TPCN2: variants seen among roughly 807,000 people sequenced by gnomAD.
TPCN2 encodes the protein two pore channel protein 2.
TPCN2 carries 92 observed loss-of-function variants against 111.4 expected under a neutral mutation model. The ratio of observed to expected loss-of-function variants is 0.83; its 90% CI spans 0.70 to 0.98. TPCN2 has a LOEUF of 0.98. Ranked by LOEUF, TPCN2 falls within the 50% of genes least tolerant of loss-of-function variation. The probability of loss-of-function intolerance (pLI) is 0.00; values close to 1 mark genes in which losing one functional copy is unlikely to be tolerated. For missense variants in TPCN2, 995 were observed against 980.1 expected, an observed-to-expected ratio of 1.02 and a Z score of -0.20; for synonymous variants, 405 against 414.5, an observed-to-expected ratio of 0.98 and a Z score of 0.28.
chr11:69,056,338 G>A (rs1554975339), intron 4 of TPCN2, among the ~76,000 whole-genome samples: 1 of 152,202 alleles, frequency 6.6e-6, no homozygotes, highest in Non-Finnish European at 1.5e-5. Context: ...TGTGATTGCA[G>A]GCCCCGGGCA....
intron 4 of TPCN2, among the ~76,000 whole-genome samples, 157 bp downstream of exon 4, chr11:69,055,509 G>A (rs1854716152): frequency 6.6e-6 from 1 of 152,258 alleles, no homozygotes; most frequent in African/African-American, 2.4e-5. Flanking sequence ...GGACAAGCAA[G>A]TGCCTGAGGC....
Position 69,083,441 on chromosome 11 carries a change from G to A in TPCN2, c.1690-504G>A, listed in dbSNP as rs568720143. 3.9e-5 allele frequency among the ~76,000 whole-genome samples: 6 copies of A among 152,336 alleles called. 1 individual carries two copies. In the South Asian group the frequency reaches 1.2e-3, roughly 32 times the overall value. ...TGTGATGAGGAGGAGCGGCTCTTTG[G>A]AGCCGGGGCCTCCCTGCTGGTTCTC... On this transcript the variant is annotated intron_variant, in intron 18 of 24. Coordinates refer to ENST00000294309, the MANE Select transcript of TPCN2 (RefSeq NM_139075.4).
intron 6 of TPCN2, 61 bp downstream of exon 6, chr11:69,063,051 C>T (rs1035369720): frequency 1.8e-5 from 27 of 1,491,436 alleles, no homozygotes; most frequent in Non-Finnish European, 2.3e-5. Flanking sequence ...CCCCGGGCCA[C>T]GTGGTTGCGG....
chr11:69,087,250 G>A, intron 24 of TPCN2, 44 bp downstream of exon 24: 1 of 1,582,760 alleles, frequency 6.3e-7, no homozygotes, highest in Non-Finnish European at 8.7e-7. Context: ...CCCTGGGATG[G>A]GAAGCCAAGA....
At chr11:69,073,042 C>T in intron 13 of TPCN2, 41 bp downstream of exon 13, 3 of 1,459,812 alleles carry the variant, frequency 2.1e-6, no homozygotes, top group Non-Finnish European at 2.9e-6. Flanking sequence ...TAGTGGGGGC[C>T]TTCCAGTTTC....
At position 69,088,262 on chromosome 11, in the gene TPCN2, T is replaced by G. The variant is rs2305499; in HGVS notation, c.*309T>G. 3.2e-5 allele frequency: 11 copies of G among 343,328 alleles called. No individual in the cohort carries two copies. In the East Asian group the frequency reaches 6.4e-4, roughly 20 times the overall value. The allele number at this position is 343,328 out of a possible 1,614,324, so 21.3% of individuals were successfully genotyped here. A position where few individuals can be genotyped will look rare whatever the true frequency, so the allele number is the denominator to read the frequency against. On this transcript the variant is annotated 3_prime_UTR_variant, in exon 25 of 25. Coordinates refer to ENST00000294309, the MANE Select transcript of TPCN2 (RefSeq NM_139075.4). ...AAATGCAAGAAGCAGCGGCCTCCCC[T>G]GTCCCCTGCAGCTTCCGTGGTGCCT... is the stretch of plus-strand genomic sequence containing the variant.
At chr11:69,053,528 A>G (rs1861327723) in intron 1 of TPCN2, among the ~76,000 whole-genome samples, 1 of 152,094 alleles carries the variant, frequency 6.6e-6, no homozygotes, top group Non-Finnish European at 1.5e-5. Context: ...TGCAGGAGCC[A>G]GGTAGGGCCG....
rs1051816212 is a variant in TPCN2, at chr11:69,069,813, A to C, written c.830-617A>C. On this transcript the variant is annotated intron_variant, in intron 8 of 24. Transcript: ENST00000294309. ...GAGCAGGACCGTCTGAGTCCTAGGAAGTGACTGCAGGGGGAGCAGGACTGA... is the reference window on the plus strand; with the variant it reads ...GAGCAGGACCGTCTGAGTCCTAGGACGTGACTGCAGGGGGAGCAGGACTGA... Among the ~76,000 whole-genome samples, 5 of 150,238 alleles carry C rather than the reference A, an allele frequency of 3.3e-5. 1 individual carries two copies. Among genetic ancestry groups the C allele is most frequent in the African/African-American group, 1.2e-4 (5 of 40,622 alleles).
chr11:69,071,307 TTGC>T lies in TPCN2; in HGVS notation c.896-43_896-41del, dbSNP rs576723218. The T allele has an allele frequency of 5.2e-5, 80 of 1,525,876 alleles. No homozygotes were observed. The East Asian group carries it at 1.2e-3, about 23-fold the overall frequency. 94.5% of individuals were successfully genotyped at this position (1,525,876 alleles called of 1,614,324 possible). On this transcript the variant is annotated intron_variant, in intron 9 of 24. Transcript: ENST00000294309. ...TGTGCCGGCCACCCTTGCGTTGGTT[TTGC>T]TGCTGTACTGGTGGCGCCCCTGACC...
intron 1 of TPCN2, among the ~76,000 whole-genome samples, chr11:69,052,358 C>CT (rs1304715129): frequency 6.6e-6 from 1 of 152,138 alleles, no homozygotes; most frequent in African/African-American, 2.4e-5. Context: ...GATATATCAG[C>CT]TTTGAGTCCT....
chr11:69,078,957 C>G lies in TPCN2; in HGVS notation c.1476C>G (p.Gly492=). 6.2e-7 allele frequency: 1 copy of G among 1,614,054 alleles called. No homozygotes were observed. Among genetic ancestry groups the G allele is most frequent in the Non-Finnish European group, 8.5e-7 (1 of 1,180,000 alleles). Residue 492 remains glycine, a synonymous_variant, in exon 16 of 25, where the codon GGC becomes GGG. Coordinates refer to ENST00000294309, the MANE Select transcript of TPCN2 (RefSeq NM_139075.4). ...LEMLLKVFAL[G]LRGYLSYPSN... ...TGCTGCTCAAGGTCTTTGCCCTGGG[C>G]CTGCGAGGGTACCTGTCCTACCCCA...
intron 1 of TPCN2, among the ~76,000 whole-genome samples, chr11:69,050,741 G>T (rs550078130): frequency 2.4e-4 from 36 of 152,388 alleles, no homozygotes; most frequent in African/African-American, 8.2e-4. Context: ...GGCGGGCATT[G>T]TGAGGATTCA....
Position 69,072,607 on chromosome 11 carries a change from C to T in TPCN2, c.1062-20C>T. 6.2e-7 allele frequency: 1 copy of T among 1,613,400 alleles called. No homozygotes were observed. Among genetic ancestry groups the T allele is most frequent in the Non-Finnish European group, 8.5e-7 (1 of 1,179,666 alleles). ...AGCCGAGCTGGCTGTGCTCACCGGG[C>T]TGTGGGTTTTTCCCTGCAGAGTTGG... is the stretch of plus-strand genomic sequence containing the variant. On this transcript the variant is annotated intron_variant, in intron 11 of 24. Coordinates refer to ENST00000294309, the MANE Select transcript of TPCN2 (RefSeq NM_139075.4).
Position 69,087,979 on chromosome 11 carries a change from G to T in TPCN2, c.*26G>T. ...CGTCCGGGCTGCCGTCCCAGCAGGG[G>T]CGGCAGGAGAGAGAGGCTGGCCTAC... On this transcript the variant is annotated 3_prime_UTR_variant, in exon 25 of 25. Coordinates refer to ENST00000294309, the MANE Select transcript of TPCN2 (RefSeq NM_139075.4). The T allele has an allele frequency of 3.8e-6, 6 of 1,588,518 alleles. No individual in the cohort carries two copies. Among genetic ancestry groups the T allele is most frequent in the Non-Finnish European group, 5.1e-6 (6 of 1,167,504 alleles).
At position 69,089,024 on chromosome 11, in the gene TPCN2, G is replaced by A. The variant is rs925849146; in HGVS notation, c.*1071G>A. ...CCCGAGCTCAGCGGGACCAGGAAGG[G>A]ATGGGCCCTGCCAGGGTTGCCCCTG... is the stretch of plus-strand genomic sequence containing the variant. On this transcript the variant is annotated 3_prime_UTR_variant, in exon 25 of 25. Transcript: ENST00000294309. 2.0e-5 allele frequency: 3 copies of A among 152,274 alleles called. No homozygotes were observed. Among genetic ancestry groups the A allele is most frequent in the African/African-American group, 7.2e-5 (3 of 41,470 alleles). 9.4% of individuals were successfully genotyped at this position (152,274 alleles called of 1,614,324 possible). A position where few individuals can be genotyped will look rare whatever the true frequency, so the allele number is the denominator to read the frequency against.
rs181402498 is a variant in TPCN2 at position 69,067,006 on chromosome 11, C to T, written c.727-497C>T. On this transcript the variant is annotated intron_variant, in intron 7 of 24. Transcript: ENST00000294309. Reference sequence around the variant, plus strand: ...CAATGGCTGTGATTCGCCACAGCCACGAGCACAGTGCCACTGAGTCCCGTG... The same window carrying T: ...CAATGGCTGTGATTCGCCACAGCCATGAGCACAGTGCCACTGAGTCCCGTG... 6.6e-5 allele frequency among the ~76,000 whole-genome samples: 10 copies of T among 152,332 alleles called. No individual in the cohort carries two copies. The South Asian group carries it at 1.2e-3, about 19-fold the overall frequency.
At chr11:69,054,609 C>T (rs1011124792) in intron 2 of TPCN2, 112 bp from the exon 3 acceptor site, 35 of 1,012,850 alleles carry the variant, frequency 3.5e-5, no homozygotes, top group Non-Finnish European at 4.1e-5. Context: ...TGAAGCGTCC[C>T]CTGTGATCCA....
At chr11:69,072,455 C>A (rs3750961) in intron 11 of TPCN2, among the ~76,000 whole-genome samples, 172 bp from the exon 12 acceptor site, 1 of 151,918 alleles carries the variant, frequency 6.6e-6, no homozygotes, top group African/African-American at 2.4e-5. Flanking sequence ...TGCGCCTTCT[C>A]GGGGGGACGG....
intron 2 of TPCN2, 24 bp from the exon 3 acceptor site, chr11:69,054,697 C>T (rs1190896007): frequency 3.1e-6 from 5 of 1,612,666 alleles, no homozygotes; most frequent in Non-Finnish European, 3.4e-6. Flanking sequence ...CCATGTCATG[C>T]CTCATGTGAC....
Sources: gnomAD v4.1 joint callset for allele counts (sites outside exome capture counted in the v4.1 genomes callset) on GRCh38, gnomAD v4.1.1 for gene constraint, MANE v1.5 for transcripts, NCBI Gene and HGNC (gene_info 2026-07-23, HGNC 2026-07-21) for gene names.